Variants in AHRR observed in about 807,000 individuals in gnomAD.
The protein encoded by AHRR is aryl hydrocarbon receptor repressor, also known as ahR repressor.
A neutral mutation model predicts 44.0 loss-of-function variants in AHRR; 28 were observed. The ratio of observed to expected loss-of-function variants is 0.64; its 90% CI spans 0.47 to 0.87. The LOEUF is 0.87. AHRR is among the 40% of genes least tolerant of loss of function. The pLI is 0.00. For synonymous variants in AHRR, 434 were observed against 407.0 expected (o/e 1.07, Z -0.80); for missense variants, 990 against 953.9 (o/e 1.04, Z -0.50).
chr5:336,683 G>A (rs1313999948), intron 1 of AHRR, among the ~76,000 whole-genome samples: 3 of 151,912 alleles, frequency 2.0e-5, no homozygotes, highest in Non-Finnish European at 2.9e-5. Flanking sequence ...CTTATTACCC[G>A]TGCTTTTTGT....
At chr5:381,449 C>T (rs1293246418) in intron 4 of AHRR, among the ~76,000 whole-genome samples, 1 of 147,200 alleles carries the variant, frequency 6.8e-6, no homozygotes, top group African/African-American at 2.5e-5. Context: ...TGCCTTGTTC[C>T]TGATTTTAGG....
intron 4 of AHRR, among the ~76,000 whole-genome samples, chr5:398,725 G>A (rs897455038): frequency 2.0e-5 from 3 of 152,328 alleles, no homozygotes; most frequent in African/African-American, 7.2e-5. Flanking sequence ...AGGCATTGCC[G>A]TTGTCACCGA....
chr5:416,099 A>G (rs866568611), intron 5 of AHRR, among the ~76,000 whole-genome samples: 1 of 152,322 alleles, frequency 6.6e-6, no homozygotes, highest in Middle Eastern at 3.4e-3. Flanking sequence ...CCCAGCATCC[A>G]CGTGAAGGTG....
rs976939451 is a variant in AHRR at position 337,797 on chromosome 5, C to T, written c.-10-6096C>T. On this transcript the variant is annotated intron_variant, in intron 1 of 10. Transcript: ENST00000684583. This position sits in a 1 kb window ranked among gnomAD's most constrained non-coding sequence, Gnocchi z 4.1. Reference sequence around the variant, plus strand: ...GCCTCATTGGAGGAGGTGTAGGTTCCGTCCCCTGGAGGGCAGAGAAGTTTG... The same window carrying T: ...GCCTCATTGGAGGAGGTGTAGGTTCTGTCCCCTGGAGGGCAGAGAAGTTTG... Among the ~76,000 whole-genome samples, 8 of 152,158 alleles carry T rather than the reference C, an allele frequency of 5.3e-5. No individual in the cohort carries two copies. Among genetic ancestry groups the T allele is most frequent in the East Asian group, 1.9e-4 (1 of 5,168 alleles).
intron 3 of AHRR, among the ~76,000 whole-genome samples, chr5:373,228 A>AGCCCTGCCCCGCGGCCCTG (rs1743638078): frequency 6.6e-6 from 1 of 152,222 alleles, no homozygotes; most frequent in Non-Finnish European, 1.5e-5. Flanking sequence ...CTGAGAGGGC[A>AGCCCTGCCCCGCGGCCCTG]GCCCTGCCCC....
chr5:355,301 T>C (rs909438026), intron 3 of AHRR, among the ~76,000 whole-genome samples: 16 of 152,134 alleles, frequency 1.1e-4, no homozygotes, highest in Non-Finnish European at 1.9e-4. Context: ...TGCATGCACC[T>C]GGGCATGGGC....
At chr5:432,679 TC>T (rs1489029017) in intron 9 of AHRR, 126 bp from the exon 10 acceptor site, 6 of 1,540,064 alleles carry the variant, frequency 3.9e-6, no homozygotes, top group Non-Finnish European at 5.4e-6. Context: ...CAAGTGCCGT[TC>T]CTGGGCTCTG....
chr5:414,031 G>A (rs1328787134), intron 5 of AHRR, among the ~76,000 whole-genome samples: 3 of 152,228 alleles, frequency 2.0e-5, no homozygotes, highest in Non-Finnish European at 2.9e-5. Context: ...TTGGGAGGCC[G>A]AGGCGGGTGG....
chr5:424,811 G>A (rs1011523031), intron 7 of AHRR, among the ~76,000 whole-genome samples: 1 of 152,092 alleles, frequency 6.6e-6, no homozygotes, highest in Non-Finnish European at 1.5e-5. Flanking sequence ...TCTGCTATTT[G>A]ACCATTTCTT....
At chr5:374,334 G>A (rs1284294760) in intron 3 of AHRR, among the ~76,000 whole-genome samples, 3 of 152,240 alleles carry the variant, frequency 2.0e-5, no homozygotes, top group Non-Finnish European at 4.4e-5. Context: ...GCTTCTCCTG[G>A]GTCTGCACTT....
chr5:376,029 C>A (rs1733607917), intron 3 of AHRR, among the ~76,000 whole-genome samples: 2 of 152,056 alleles, frequency 1.3e-5, no homozygotes, highest in African/African-American at 2.4e-5. Context: ...TTCTGTGCGG[C>A]CCCTGGGGGC....
intron 2 of AHRR, among the ~76,000 whole-genome samples, chr5:345,693 A>G (rs532222223): frequency 3.3e-5 from 5 of 151,966 alleles, no homozygotes; most frequent in Non-Finnish European, 7.4e-5. Context: ...CACTGCCCTA[A>G]CACCTGCTGT....
intron 3 of AHRR, among the ~76,000 whole-genome samples, chr5:364,075 T>C (rs1453262093): frequency 6.6e-6 from 1 of 152,252 alleles, no homozygotes; most frequent in East Asian, 1.9e-4. Context: ...ATTTTCAATA[T>C]GTAACTGAGG....
At chr5:328,207 G>A (rs1041938200) in intron 1 of AHRR, among the ~76,000 whole-genome samples, 55 of 144,608 alleles carry the variant, frequency 3.8e-4, no homozygotes, top group African/African-American at 1.3e-3. Context: ...TTACATTCCC[G>A]CCAATAGTGT....
intron 4 of AHRR, among the ~76,000 whole-genome samples, chr5:403,513 G>A (rs1215473561): frequency 1.3e-5 from 2 of 151,992 alleles, no homozygotes; most frequent in South Asian, 2.1e-4. Context: ...GCGCATGCCT[G>A]TAATCCCAGC....
chr5:416,757 C>T (rs796450241), intron 5 of AHRR, among the ~76,000 whole-genome samples: 4 of 152,132 alleles, frequency 2.6e-5, no homozygotes, highest in Admixed American at 6.5e-5. Flanking sequence ...TGTGGGGTGC[C>T]GTGAACGGGG....
In AHRR at chr5:380,132, A is replaced by C. The variant is rs536291160; in HGVS notation, c.351+3416A>C. 5.9e-5 allele frequency among the ~76,000 whole-genome samples: 9 copies of C among 152,320 alleles called. No homozygotes were observed. In the South Asian group the frequency reaches 1.0e-3, roughly 18 times the overall value. On this transcript the variant is annotated intron_variant, in intron 4 of 10. Coordinates refer to ENST00000684583, the MANE Select transcript of AHRR (RefSeq NM_001377236.1). ...GCGTTTATACCTTTGTGAAAAATCA[A>C]TTGGCTGTATTTTTGTGGATCTGTT... is the stretch of plus-strand genomic sequence containing the variant.
rs189039870 is a variant in AHRR at position 424,061 on chromosome 5, G to T, written c.708+84G>T. On this transcript the variant is annotated intron_variant, in intron 7 of 10. Transcript: ENST00000684583. ...TGTGGAAGGAAACAGAGGGCAAGAGGGGGTGGGGGCGTTAAACCACATGTC... is the reference window on the plus strand; with the variant it reads ...TGTGGAAGGAAACAGAGGGCAAGAGTGGGTGGGGGCGTTAAACCACATGTC... The T allele has an allele frequency of 1.7e-5, 26 of 1,530,692 alleles. No homozygotes were observed. In the Middle Eastern group the frequency reaches 7.1e-4, roughly 42 times the overall value. The allele number at this position is 1,530,692 out of a possible 1,614,324, so 94.8% of individuals were successfully genotyped here.
intron 1 of AHRR, among the ~76,000 whole-genome samples, chr5:325,478 T>A (rs1309130603): frequency 6.6e-6 from 1 of 152,234 alleles, no homozygotes; most frequent in Non-Finnish European, 1.5e-5. Context: ...TCTGATGGGA[T>A]GTCCTTGCAG....
Sources: gnomAD v4.1 joint callset for allele counts (sites outside exome capture counted in the v4.1 genomes callset) on GRCh38, gnomAD v4.1.1 for gene constraint, Gnocchi (gnomAD v3.1) non-coding constraint, MANE v1.5 for transcripts, NCBI Gene and HGNC (gene_info 2026-07-23, HGNC 2026-07-21) for gene names.